Variants in DIP2B observed in about 807,000 individuals in gnomAD.
DIP2B encodes the protein DIP2 acetate--CoA ligase B (putative), also known as disco-interacting protein 2 homolog B.
DIP2B carries 76 observed loss-of-function variants against 198.0 expected under a neutral mutation model. The ratio of observed to expected loss-of-function variants is 0.38; its 90% CI spans 0.32 to 0.46. The LOEUF is 0.46. Ranked by LOEUF, DIP2B falls within the 20% of genes least tolerant of loss-of-function variation. DIP2B has a pLI of 0.99. For missense variants in DIP2B, 1,559 were observed against 1,978.4 expected (o/e 0.79, Z 4.02); for synonymous variants, 701 against 739.1 (o/e 0.95, Z 0.84).
Position 50,597,552 on chromosome 12 carries a change from C to T in DIP2B, c.101-28424C>T, listed in dbSNP as rs144013994. ...ATGCATGGAGGAGCGTTAATACAAA[C>T]GAGCATCACTTCTTTGAATCAGAGG... is the stretch of plus-strand genomic sequence containing the variant. On this transcript the variant is annotated intron_variant, in intron 1 of 37. Transcript: ENST00000301180. Among the ~76,000 whole-genome samples the T allele has an allele frequency of 1.5e-4, 23 of 152,220 alleles. No individual in the cohort carries two copies. In the East Asian group the frequency reaches 4.1e-3, roughly 27 times the overall value.
chr12:50,675,498 A>G (rs777688429), intron 7 of DIP2B, 50 bp downstream of exon 7: 1 of 1,558,006 alleles, frequency 6.4e-7, no homozygotes, highest in Admixed American at 1.7e-5. Context: ...AATATATCTT[A>G]AGCAGTTACT....
rs999323165 is a variant in DIP2B at position 50,699,658 on chromosome 12, A to AGCAATGTAGCAAG, written c.2325+470_2325+482dup. 5.3e-5 allele frequency among the ~76,000 whole-genome samples: 8 copies of AGCAATGTAGCAAG among 152,094 alleles called. No homozygotes were observed. In the South Asian group the frequency reaches 1.7e-3, roughly 32 times the overall value. ...CCAGGAGTTTGAGACCAGGCAATGTAGCAATGTAGCAAGGCAATGTAGCAA... is the reference window on the plus strand; with the variant it reads ...CCAGGAGTTTGAGACCAGGCAATGTAGCAATGTAGCAAGGCAATGTAGCAAGGCAATGTAGCAA... On this transcript the variant is annotated intron_variant, in intron 19 of 37. Coordinates refer to ENST00000301180, the MANE Select transcript of DIP2B (RefSeq NM_173602.3).
At chr12:50,589,297 T>G (rs549268147) in intron 1 of DIP2B, among the ~76,000 whole-genome samples, 1 of 151,126 alleles carries the variant, frequency 6.6e-6, no homozygotes, top group Non-Finnish European at 1.5e-5. Flanking sequence ...TGCAGTGGCT[T>G]GATTCTCCTG....
At chr12:50,594,396 A>G (rs545469073) in intron 1 of DIP2B, among the ~76,000 whole-genome samples, 2 of 152,300 alleles carry the variant, frequency 1.3e-5, no homozygotes, top group South Asian at 2.1e-4. Context: ...TCCCATACCT[A>G]TAAGAATAGT....
intron 1 of DIP2B, among the ~76,000 whole-genome samples, chr12:50,559,745 A>ACACACAC (rs1555184070): frequency 8.2e-4 from 124 of 151,066 alleles, no homozygotes; most frequent in Non-Finnish European, 1.0e-3. Context: ...ACACACACAC[A>ACACACAC]ATTTCTAGTA....
At chr12:50,531,084 C>T (rs544546629) in intron 1 of DIP2B, among the ~76,000 whole-genome samples, 8 of 152,216 alleles carry the variant, frequency 5.3e-5, no homozygotes, top group African/African-American at 7.2e-5. Context: ...CTCGCTCTGT[C>T]GCCCAGGCTG....
chr12:50,623,579 A>G (rs958490532), intron 1 of DIP2B, among the ~76,000 whole-genome samples: 11 of 152,060 alleles, frequency 7.2e-5, no homozygotes, highest in African/African-American at 2.4e-4. Context: ...ACAATTTAGT[A>G]TATAGCCTTC....
chr12:50,520,035 C>CTT (rs35179881), intron 1 of DIP2B, among the ~76,000 whole-genome samples: 19,785 of 100,688 alleles, frequency 0.2, 2,659 homozygotes, highest in Non-Finnish European at 0.28. Flanking sequence ...ATTGAATCTC[C>CTT]TTTTTTTTTT....
At chr12:50,659,525 A>G (rs1938609510) in intron 3 of DIP2B, among the ~76,000 whole-genome samples, 2 of 151,668 alleles carry the variant, frequency 1.3e-5, no homozygotes, top group Admixed American at 6.6e-5. Context: ...GTATGATTCA[A>G]TTTTGTGGAA....
intron 1 of DIP2B, among the ~76,000 whole-genome samples, chr12:50,590,390 G>A (rs1374265522): frequency 2.0e-5 from 3 of 151,190 alleles, no homozygotes; most frequent in Admixed American, 1.3e-4. Context: ...TTTTTCCTGA[G>A]ACGGAGCCTT....
rs1939838885 is a variant in DIP2B, at chr12:50,721,688, G to C, written c.3166+292G>C. 4.6e-5 allele frequency among the ~76,000 whole-genome samples: 7 copies of C among 152,162 alleles called. No individual in the cohort carries two copies. In the South Asian group the frequency reaches 1.4e-3, roughly 32 times the overall value. Reference sequence around the variant, plus strand: ...GAATGAATGAAGTCTTCAGCTACTTGGCTTTTGGAAACCTTCAAAACAGAT... The same window carrying C: ...GAATGAATGAAGTCTTCAGCTACTTCGCTTTTGGAAACCTTCAAAACAGAT... On this transcript the variant is annotated intron_variant, in intron 26 of 37. Transcript: ENST00000301180.
intron 12 of DIP2B, among the ~76,000 whole-genome samples, chr12:50,689,258 G>A (rs944250971): frequency 6.6e-6 from 1 of 152,070 alleles, no homozygotes; most frequent in Non-Finnish European, 1.5e-5. Context: ...AATTAACCGG[G>A]TGTGGTGGCA....
chr12:50,544,419 G>A (rs1208456319), intron 1 of DIP2B, among the ~76,000 whole-genome samples: 3 of 152,188 alleles, frequency 2.0e-5, no homozygotes, highest in African/African-American at 4.8e-5. Context: ...CGATTCTCCC[G>A]CGTCAGCCAC....
At chr12:50,704,052 A>G in intron 19 of DIP2B, 88 bp from the exon 20 acceptor site, 2 of 1,080,756 alleles carry the variant, frequency 1.9e-6, no homozygotes, top group Non-Finnish European at 2.7e-6. Flanking sequence ...TTTTTCACTG[A>G]GCATGTATTT....
At chr12:50,530,353 T>A (rs189896322) in intron 1 of DIP2B, among the ~76,000 whole-genome samples, 1 of 152,350 alleles carries the variant, frequency 6.6e-6, no homozygotes, top group African/African-American at 2.4e-5. Context: ...GTGCTGGGAT[T>A]ACAGGCGTGA....
chr12:50,683,888 G>A (rs1014874553), intron 10 of DIP2B, among the ~76,000 whole-genome samples: 1 of 152,138 alleles, frequency 6.6e-6, no homozygotes, highest in Non-Finnish European at 1.5e-5. Context: ...GAGGTGGGCG[G>A]GTTGCGTGAG....
At chr12:50,676,500 G>T (rs1482727093) in intron 7 of DIP2B, among the ~76,000 whole-genome samples, 1 of 152,194 alleles carries the variant, frequency 6.6e-6, no homozygotes, top group East Asian at 1.9e-4. Flanking sequence ...TGTTCAAGAT[G>T]TCCACGCCAG....
At chr12:50,605,333 G>A (rs1030410997) in intron 1 of DIP2B, among the ~76,000 whole-genome samples, 1 of 152,170 alleles carries the variant, frequency 6.6e-6, no homozygotes, top group Non-Finnish European at 1.5e-5. Context: ...TGTAGTCCCA[G>A]TATTTTGCGA....
chr12:50,667,376 G>A (rs952930981), intron 4 of DIP2B, among the ~76,000 whole-genome samples: 1 of 152,156 alleles, frequency 6.6e-6, no homozygotes, highest in Admixed American at 6.5e-5. Context: ...ACAGTCATGA[G>A]TTTATTTTTA....
Sources: gnomAD v4.1 joint callset for allele counts (sites outside exome capture counted in the v4.1 genomes callset) on GRCh38, gnomAD v4.1.1 for gene constraint, MANE v1.5 for transcripts, NCBI Gene and HGNC (gene_info 2026-07-23, HGNC 2026-07-21) for gene names.